The following GRIK2 variants were observed in gnomAD, a reference collection of about 807,000 sequenced individuals.
The protein encoded by GRIK2 is glutamate receptor ionotropic, kainate 2.
In GRIK2, 32 loss-of-function variants were observed where a neutral mutation model predicts 100.3. The observed-to-expected ratio is 0.32, with a 90% CI of 0.24 to 0.43. The LOEUF is 0.43. GRIK2 is among the 20% of genes least tolerant of loss of function. The pLI, the probability that GRIK2 is intolerant of heterozygous loss-of-function variation, is 1.00. For synonymous variants in GRIK2, 417 were observed against 389.4 expected, an observed-to-expected ratio of 1.07 and a Z score of -0.83; for missense variants, 843 against 1,114.9, an observed-to-expected ratio of 0.76 and a Z score of 3.47.
At chr6:102,014,151 T>C (rs868412769) in intron 14 of GRIK2, among the ~76,000 whole-genome samples, 1 of 152,212 alleles carries the variant, frequency 6.6e-6, no homozygotes, top group African/African-American at 2.4e-5. Context: ...ATTCCTGGTT[T>C]AGTTTTTGGA....
At chr6:101,747,642 C>G (rs1200311553) in intron 7 of GRIK2, among the ~76,000 whole-genome samples, 1 of 151,796 alleles carries the variant, frequency 6.6e-6, no homozygotes, top group Non-Finnish European at 1.5e-5. Context: ...TAATATATTT[C>G]TGAAATAATT....
At chr6:101,590,537 C>G (rs955646757) in intron 2 of GRIK2, among the ~76,000 whole-genome samples, 2 of 152,020 alleles carry the variant, frequency 1.3e-5, no homozygotes, top group African/African-American at 2.4e-5. Flanking sequence ...AGGCAGCTTT[C>G]TATATACCCG....
At chr6:101,688,506 G>C (rs933108696) in intron 7 of GRIK2, among the ~76,000 whole-genome samples, 6 of 151,886 alleles carry the variant, frequency 4.0e-5, no homozygotes, top group African/African-American at 1.4e-4. Context: ...CTCTTGGAGA[G>C]AATTAACCTC....
chr6:101,648,196 T>TG (rs1781618224), intron 4 of GRIK2, among the ~76,000 whole-genome samples: 1 of 152,008 alleles, frequency 6.6e-6, no homozygotes, highest in Non-Finnish European at 1.5e-5. Context: ...TTTAGAAGTC[T>TG]ATATCTTAGA....
chr6:101,418,406 AG>A (rs1776254840), intron 2 of GRIK2, among the ~76,000 whole-genome samples: 1 of 152,042 alleles, frequency 6.6e-6, no homozygotes, highest in Non-Finnish European at 1.5e-5. Flanking sequence ...TTACGTATCG[AG>A]GGGTGGGGTG....
chr6:101,850,747 A>T (rs1385038267), intron 10 of GRIK2, among the ~76,000 whole-genome samples: 1 of 152,090 alleles, frequency 6.6e-6, no homozygotes, highest in African/African-American at 2.4e-5. Context: ...TCCTTATTAC[A>T]GATGCCAGTG....
intron 14 of GRIK2, among the ~76,000 whole-genome samples, chr6:101,999,280 G>C (rs1002962779): frequency 2.6e-5 from 4 of 151,876 alleles, no homozygotes; most frequent in African/African-American, 9.7e-5. Context: ...AAAAATACTT[G>C]CTGAAAATTT....
At chr6:102,008,245 A>C (rs1795344429) in intron 14 of GRIK2, among the ~76,000 whole-genome samples, 2 of 152,150 alleles carry the variant, frequency 1.3e-5, no homozygotes, top group Non-Finnish European at 2.9e-5. Flanking sequence ...AAAGACAAGA[A>C]AGAGAAAGCA....
chr6:101,403,259 C>T lies in GRIK2; in HGVS notation c.115+3867C>T, dbSNP rs559230150. Among the ~76,000 whole-genome samples the T allele has an allele frequency of 1.3e-3, 193 of 152,346 alleles. 2 individuals carry two copies. Among genetic ancestry groups the T allele is most frequent in the African/African-American group, 4.4e-3 (181 of 41,584 alleles). On this transcript the variant is annotated intron_variant, in intron 2 of 16. Coordinates refer to ENST00000369134, the MANE Select transcript of GRIK2 (RefSeq NM_021956.5). ...CAACCCAAACTTAGGCTCCTGGGCACCATCTCCAAGGTTTCCTTGCCGAAT... is the reference window on the plus strand; with the variant it reads ...CAACCCAAACTTAGGCTCCTGGGCATCATCTCCAAGGTTTCCTTGCCGAAT...
At chr6:101,839,870 G>A (rs1421530758) in intron 10 of GRIK2, among the ~76,000 whole-genome samples, 3 of 151,982 alleles carry the variant, frequency 2.0e-5, no homozygotes, top group East Asian at 3.8e-4. Context: ...AATAATACAG[G>A]ATGAATTTAA....
Position 102,039,071 on chromosome 6 carries a change from T to C in GRIK2, c.2311+3505T>C, listed in dbSNP as rs73500559. Among the ~76,000 whole-genome samples the C allele has an allele frequency of 7.0e-3, 1,066 of 151,440 alleles. 19 individuals are homozygous for C. Among genetic ancestry groups the C allele is most frequent in the African/African-American group, 0.025 (1,024 of 41,422 alleles). On this transcript the variant is annotated intron_variant, in intron 15 of 16. Coordinates refer to ENST00000369134, the MANE Select transcript of GRIK2 (RefSeq NM_021956.5). ...TGCCCCATTTTCCCCCAAATTCATA[T>C]ATTATCTTCTTAGCCTGCCATGCCT... is the stretch of plus-strand genomic sequence containing the variant.
intron 10 of GRIK2, among the ~76,000 whole-genome samples, chr6:101,832,580 C>G (rs1394021459): frequency 6.6e-6 from 1 of 152,096 alleles, no homozygotes; most frequent in Non-Finnish European, 1.5e-5. Flanking sequence ...TGCCAGCTGT[C>G]AAGCTGAAGA....
intron 11 of GRIK2, among the ~76,000 whole-genome samples, chr6:101,859,914 A>G (rs565998026): frequency 2.6e-5 from 4 of 152,272 alleles, no homozygotes; most frequent in Admixed American, 2.6e-4. Flanking sequence ...AGGGGTGAGG[A>G]GGGGTGTTTC....
In GRIK2 at chr6:101,547,172, C is replaced by T. The variant is rs1256878937; in HGVS notation, c.116-74777C>T. On this transcript the variant is annotated intron_variant, in intron 2 of 16. Coordinates refer to ENST00000369134, the MANE Select transcript of GRIK2 (RefSeq NM_021956.5). Reference sequence around the variant, plus strand: ...CTCATGCCTCATTCTGATATAAACTCCTGCCATCTACATTATAGTATTTCC... The same window carrying T: ...CTCATGCCTCATTCTGATATAAACTTCTGCCATCTACATTATAGTATTTCC... 2.0e-5 allele frequency among the ~76,000 whole-genome samples: 3 copies of T among 151,346 alleles called. No individual in the cohort carries two copies. In the East Asian group the frequency reaches 5.9e-4, roughly 30 times the overall value.
At chr6:101,927,487 AT>A (rs1212085934) in intron 13 of GRIK2, among the ~76,000 whole-genome samples, 7 of 152,296 alleles carry the variant, frequency 4.6e-5, no homozygotes, top group South Asian at 2.1e-4. Context: ...TTATAAAAAA[AT>A]CACACATACT....
At chr6:101,408,143 G>A (rs996183450) in intron 2 of GRIK2, among the ~76,000 whole-genome samples, 2 of 152,104 alleles carry the variant, frequency 1.3e-5, no homozygotes, top group Non-Finnish European at 2.9e-5. Context: ...AATAGAGGAT[G>A]GGCTTGACAT....
intron 2 of GRIK2, among the ~76,000 whole-genome samples, chr6:101,597,521 G>A (rs1418201162): frequency 2.6e-5 from 4 of 151,746 alleles, no homozygotes; most frequent in Non-Finnish European, 5.9e-5. Context: ...TACTGAATCA[G>A]AATTTAAGCC....
At chr6:101,993,989 TATAC>T (rs1186899302) in intron 14 of GRIK2, 6 of 146,190 alleles carry the variant, frequency 4.1e-5, no homozygotes, top group African/African-American at 1.3e-4. Flanking sequence ...ATACAATGTA[TATAC>T]ATACATATAT....
At chr6:101,608,813 G>A (rs961413450) in intron 2 of GRIK2, among the ~76,000 whole-genome samples, 2 of 110,580 alleles carry the variant, frequency 1.8e-5, no homozygotes, top group Admixed American at 9.5e-5. Context: ...GTGTGTGTGT[G>A]TATGTATGTA....
Sources: gnomAD v4.1 joint callset for allele counts (sites outside exome capture counted in the v4.1 genomes callset) on GRCh38, gnomAD v4.1.1 for gene constraint, MANE v1.5 for transcripts, NCBI Gene and HGNC (gene_info 2026-07-23, HGNC 2026-07-21) for gene names.